The following RCSD1 variants were observed in gnomAD, a reference collection of about 807,000 sequenced individuals.
RCSD1 encodes the protein capZ-interacting protein.
A neutral mutation model predicts 42.5 loss-of-function variants in RCSD1; 26 were observed. The observed-to-expected ratio is 0.61, with a 90% CI of 0.45 to 0.85. The LOEUF (loss-of-function observed/expected upper bound fraction) is 0.85, where lower values mean the gene tolerates loss of function less well. Ranked by LOEUF, RCSD1 falls within the 40% of genes least tolerant of loss-of-function variation. The probability of loss-of-function intolerance (pLI) is 0.00; values close to 1 mark genes in which losing one functional copy is unlikely to be tolerated. For missense variants in RCSD1, 571 were observed against 528.3 expected, an observed-to-expected ratio of 1.08 and a Z score of -0.79; for synonymous variants, 220 against 212.2, an observed-to-expected ratio of 1.04 and a Z score of -0.32.
At chr1:167,675,606 C>T (rs1311358285) in intron 1 of RCSD1, among the ~76,000 whole-genome samples, 1 of 152,112 alleles carries the variant, frequency 6.6e-6, no homozygotes, top group African/African-American at 2.4e-5. Flanking sequence ...TGACTTGACC[C>T]AGAGCTCTGG....
At chr1:167,689,753 T>C (rs746485979) in intron 3 of RCSD1, among the ~76,000 whole-genome samples, 4 of 152,120 alleles carry the variant, frequency 2.6e-5, no homozygotes, top group Non-Finnish European at 5.9e-5. Context: ...TGCTCAGATA[T>C]AGTTTTCCTT....
chr1:167,703,886 CT>C (rs1659698984), intron 6 of RCSD1, among the ~76,000 whole-genome samples: 1 of 152,156 alleles, frequency 6.6e-6, no homozygotes, highest in Admixed American at 6.5e-5. Flanking sequence ...TCACTGGTAC[CT>C]GGAAGTCCTC....
At chr1:167,641,929 C>T (rs1430240115) in intron 1 of RCSD1, 2 of 152,216 alleles carry the variant, frequency 1.3e-5, no homozygotes, top group Admixed American at 6.5e-5. Flanking sequence ...CAAAGGTTTA[C>T]TTTTCACCCC....
chr1:167,630,241 A>G lies in RCSD1; in HGVS notation c.-183A>G, dbSNP rs1657659404. The G allele has an allele frequency of 1.2e-5, 2 of 167,824 alleles. No homozygotes were observed. 10.4% of individuals were successfully genotyped at this position (167,824 alleles called of 1,614,324 possible). A position where few individuals can be genotyped will look rare whatever the true frequency, so the allele number is the denominator to read the frequency against. ...CTCCTCCTTCCTCGTTCTCTCGCGC[A>G]GGGCCCCCGCGGCCGGGGCAGTCCC... is the stretch of plus-strand genomic sequence containing the variant. On this transcript the variant is annotated 5_prime_UTR_variant, in exon 1 of 7. Transcript: ENST00000367854.
intron 1 of RCSD1, among the ~76,000 whole-genome samples, chr1:167,632,445 C>A (rs1203662779): frequency 6.6e-6 from 1 of 152,164 alleles, no homozygotes; most frequent in South Asian, 2.1e-4. Context: ...TTTCTCCCCC[C>A]TCAGATGAGG....
At chr1:167,656,142 G>A (rs1225047097) in intron 1 of RCSD1, among the ~76,000 whole-genome samples, 4 of 152,136 alleles carry the variant, frequency 2.6e-5, no homozygotes, top group Non-Finnish European at 5.9e-5. Flanking sequence ...TGTGAGGTGG[G>A]TATTGTGGAC....
chr1:167,630,932 G>A (rs1657681851), intron 1 of RCSD1, among the ~76,000 whole-genome samples: 1 of 152,164 alleles, frequency 6.6e-6, no homozygotes, highest in Non-Finnish European at 1.5e-5. Flanking sequence ...GCATTTTAGA[G>A]AGTCCAGTTG....
chr1:167,697,071 G>A, intron 5 of RCSD1, 28 bp from the exon 6 acceptor site: 1 of 1,584,078 alleles, frequency 6.3e-7, no homozygotes, highest in Admixed American at 1.8e-5. Context: ...TGAGTTTTTG[G>A]ATAACTTTCC....
chr1:167,695,801 G>C (rs553264640), intron 5 of RCSD1, among the ~76,000 whole-genome samples: 1 of 151,870 alleles, frequency 6.6e-6, no homozygotes, highest in Admixed American at 6.6e-5. Context: ...GATTACAGGC[G>C]GGCACCACCA....
chr1:167,643,884 G>A (rs1034682038), intron 1 of RCSD1, among the ~76,000 whole-genome samples: 9 of 152,184 alleles, frequency 5.9e-5, no homozygotes, highest in African/African-American at 1.4e-4. Context: ...AGCCTCCTGC[G>A]CTTTTGGTGC....
chr1:167,673,800 C>T (rs543224306), intron 1 of RCSD1, among the ~76,000 whole-genome samples: 2 of 152,294 alleles, frequency 1.3e-5, no homozygotes, highest in East Asian at 1.9e-4. Flanking sequence ...TACCAGCCAG[C>T]CCCTGTGCCT....
At chr1:167,635,845 T>C (rs1467973439) in intron 1 of RCSD1, among the ~76,000 whole-genome samples, 2 of 152,260 alleles carry the variant, frequency 1.3e-5, no homozygotes, top group Non-Finnish European at 2.9e-5. Flanking sequence ...ATTGGACTTT[T>C]GGAAAGCCAA....
intron 6 of RCSD1, among the ~76,000 whole-genome samples, chr1:167,701,638 A>G (rs981576211): frequency 1.3e-5 from 2 of 152,124 alleles, no homozygotes; most frequent in Admixed American, 6.6e-5. Context: ...CAAGGCTCCA[A>G]GAGAGGACAG....
At chr1:167,638,287 T>C (rs921498076) in intron 1 of RCSD1, 1 of 152,186 alleles carries the variant, frequency 6.6e-6, no homozygotes, top group Non-Finnish European at 1.5e-5. Flanking sequence ...CTAAAGCTTG[T>C]TGTCATGGTA....
intron 1 of RCSD1, among the ~76,000 whole-genome samples, chr1:167,660,725 T>C (rs1658522467): frequency 6.6e-6 from 1 of 152,182 alleles, no homozygotes; most frequent in Non-Finnish European, 1.5e-5. Flanking sequence ...CCTTCTGACT[T>C]GGCCTCCCAA....
At chr1:167,653,960 A>G (rs998328889) in intron 1 of RCSD1, among the ~76,000 whole-genome samples, 5 of 152,232 alleles carry the variant, frequency 3.3e-5, no homozygotes, top group Admixed American at 3.3e-4. Context: ...TTGGACTGCC[A>G]GGGTTGAAAC....
At chr1:167,641,237 A>G (rs1657997101) in intron 1 of RCSD1, among the ~76,000 whole-genome samples, 1 of 152,188 alleles carries the variant, frequency 6.6e-6, no homozygotes, top group Non-Finnish European at 1.5e-5. Context: ...GTCACTTTTC[A>G]GGGAGATAAC....
intron 1 of RCSD1, among the ~76,000 whole-genome samples, chr1:167,666,510 G>A (rs1658659584): frequency 1.3e-5 from 2 of 152,186 alleles, no homozygotes; most frequent in African/African-American, 4.8e-5. Flanking sequence ...GAATTCCTGA[G>A]TATGCGGATG....
chr1:167,675,112 A>G (rs1319148124), intron 1 of RCSD1, among the ~76,000 whole-genome samples: 5 of 148,854 alleles, frequency 3.4e-5, no homozygotes, highest in Non-Finnish European at 5.9e-5. Flanking sequence ...AGGCTGAGGC[A>G]GGAGAGCTGC....
Sources: allele counts gnomAD v4.1 joint callset (sites outside exome capture counted in the v4.1 genomes callset), GRCh38; gene constraint gnomAD v4.1.1; transcripts MANE v1.5; gene names NCBI Gene and HGNC (gene_info 2026-07-23, HGNC 2026-07-21).